The following PODXL variants were observed in gnomAD, a reference collection of about 807,000 sequenced individuals.
PODXL encodes the protein podocalyxin like.
Under a neutral mutation model 48.9 loss-of-function variants are expected in PODXL, and 20 were observed. That is an observed-to-expected ratio of 0.41 (90% CI 0.29 to 0.59). The LOEUF is 0.59. PODXL is among the 20% of genes least tolerant of loss of function. The pLI, the probability that PODXL is intolerant of heterozygous loss-of-function variation, is 0.31. For synonymous variants in PODXL, 295 were observed against 287.4 expected (o/e 1.03, Z -0.27); for missense variants, 606 against 675.1 (o/e 0.90, Z 1.13).
intron 1 of PODXL, among the ~76,000 whole-genome samples, chr7:131,542,602 A>T (rs1054652831): frequency 1.3e-5 from 2 of 152,176 alleles, no homozygotes; most frequent in African/African-American, 4.8e-5. Context: ...GGCTGCAGTA[A>T]GCCATGTTTG....
At chr7:131,544,659 GCACGCACGCCC>G (rs1176537713) in intron 1 of PODXL, among the ~76,000 whole-genome samples, 4 of 136,256 alleles carry the variant, frequency 2.9e-5, no homozygotes, top group Admixed American at 6.9e-5. Context: ...CCTGTACTAC[GCACGCACGCCC>G]TGTACTACGC....
chr7:131,529,495 G>A (rs1206629576), intron 1 of PODXL, among the ~76,000 whole-genome samples: 2 of 152,064 alleles, frequency 1.3e-5, no homozygotes, highest in East Asian at 1.9e-4. Flanking sequence ...TCCAGGAAGA[G>A]GGGTGTGGAA....
intron 1 of PODXL, among the ~76,000 whole-genome samples, chr7:131,522,174 G>A (rs1798102732): frequency 6.6e-6 from 1 of 152,182 alleles, no homozygotes; most frequent in Non-Finnish European, 1.5e-5. Flanking sequence ...GGAGCAGCAG[G>A]GCGCAGTGGC....
chr7:131,527,687 A>T (rs1423013048), intron 1 of PODXL, among the ~76,000 whole-genome samples: 1 of 152,192 alleles, frequency 6.6e-6, no homozygotes, highest in Non-Finnish European at 1.5e-5. Context: ...ATGCTAGGGG[A>T]CCAGAGACAT....
At chr7:131,551,584 G>A (rs1229675708) in intron 1 of PODXL, among the ~76,000 whole-genome samples, 5 of 152,158 alleles carry the variant, frequency 3.3e-5, no homozygotes, top group Middle Eastern at 3.2e-3. Flanking sequence ...GGTCATCTAC[G>A]TCCCCTCCTG....
chr7:131,515,693 G>A (rs759972299), intron 1 of PODXL, among the ~76,000 whole-genome samples: 10 of 152,248 alleles, frequency 6.6e-5, no homozygotes, highest in African/African-American at 1.7e-4. Context: ...GTGAGCCACC[G>A]CGCCTGGCCA....
intron 1 of PODXL, among the ~76,000 whole-genome samples, chr7:131,525,793 T>C (rs1562910282): frequency 6.6e-6 from 1 of 152,124 alleles, no homozygotes; most frequent in Non-Finnish European, 1.5e-5. Flanking sequence ...ATACTAGGAT[T>C]GAACAAATAA....
intron 1 of PODXL, among the ~76,000 whole-genome samples, chr7:131,543,745 C>T (rs992955900): frequency 3.3e-5 from 5 of 152,064 alleles, no homozygotes; most frequent in Non-Finnish European, 5.9e-5. Context: ...AAGAAAGGGC[C>T]GAGGCCAGCA....
intron 1 of PODXL, among the ~76,000 whole-genome samples, chr7:131,528,853 A>G (rs933422338): frequency 6.6e-6 from 1 of 152,192 alleles, no homozygotes; most frequent in Non-Finnish European, 1.5e-5. Context: ...TAGAGGATGG[A>G]GAAAGACAGA....
intron 1 of PODXL, among the ~76,000 whole-genome samples, chr7:131,518,792 A>G (rs1022090418): frequency 2.0e-5 from 3 of 152,200 alleles, no homozygotes; most frequent in Admixed American, 6.5e-5. Context: ...GGGCACACGC[A>G]GGTCCAGAAC....
chr7:131,542,943 A>T (rs1394673250), intron 1 of PODXL, among the ~76,000 whole-genome samples: 2 of 152,082 alleles, frequency 1.3e-5, no homozygotes, highest in African/African-American at 2.4e-5. Context: ...AGGTCTAGAG[A>T]TGCAGAGCAC....
At chr7:131,533,557 C>G (rs1003470996) in intron 1 of PODXL, among the ~76,000 whole-genome samples, 3 of 152,190 alleles carry the variant, frequency 2.0e-5, no homozygotes, top group African/African-American at 7.2e-5. Flanking sequence ...GGAAGGGCAG[C>G]CTTCGCTTGG....
At chr7:131,509,855 G>C (rs1797879150) in intron 3 of PODXL, among the ~76,000 whole-genome samples, 1 of 152,304 alleles carries the variant, frequency 6.6e-6, no homozygotes, top group East Asian at 1.9e-4. Flanking sequence ...TCTGGGGAAG[G>C]AATCGGCATC....
chr7:131,506,338 C>T lies in PODXL; in HGVS notation c.1250-17G>A, dbSNP rs766662815. The T allele has an allele frequency of 8.1e-5, 130 of 1,613,852 alleles. No homozygotes were observed. The highest frequency in any genetic ancestry group is 1.0e-4 in the Non-Finnish European group (120 of 1,179,862). ...GGAGCTTAGCTGTGGGAGAGGGAGA[C>T]GATGCCCAATGGCCCAGCCCAGAGC... On this transcript the variant is annotated splice_polypyrimidine_tract_variant and intron_variant, in intron 6 of 8. Transcript: ENST00000378555.
At chr7:131,539,779 G>A (rs1798444883) in intron 1 of PODXL, among the ~76,000 whole-genome samples, 1 of 152,214 alleles carries the variant, frequency 6.6e-6, no homozygotes, top group Non-Finnish European at 1.5e-5. Flanking sequence ...TCTGGGTGCT[G>A]CATGTGTCCT....
At chr7:131,554,783 T>C (rs373869999) in intron 1 of PODXL, among the ~76,000 whole-genome samples, 1 of 152,166 alleles carries the variant, frequency 6.6e-6, no homozygotes, top group East Asian at 1.9e-4. Flanking sequence ...TGGGTGGTTC[T>C]AAGAGGCTTC....
chr7:131,547,664 G>A (rs953944133), intron 1 of PODXL, among the ~76,000 whole-genome samples: 2 of 152,130 alleles, frequency 1.3e-5, no homozygotes, highest in African/African-American at 2.4e-5. Flanking sequence ...GAATTCTTAC[G>A]TAGAGACCTA....
In PODXL at chr7:131,500,491, G is replaced by GT. The variant is rs1471313166; in HGVS notation, c.*3819dup. On this transcript the variant is annotated 3_prime_UTR_variant, in exon 9 of 9. Transcript: ENST00000378555. The stretch of plus-strand genomic sequence containing the variant: ...AAAGACCAACACCAAAGAGTCATCT[G>GT]TGTCCTCCATGCTGTGTTTGCAGCA... 1 of 152,602 alleles carries GT rather than the reference G, an allele frequency of 6.6e-6. No individual in the cohort carries two copies. The highest frequency in any genetic ancestry group is 2.1e-4 in the South Asian group (1 of 4,822). The allele number at this position is 152,602 out of a possible 1,614,324, so 9.5% of individuals were successfully genotyped here.
intron 1 of PODXL, among the ~76,000 whole-genome samples, chr7:131,534,561 G>A (rs576291422): frequency 4.2e-4 from 64 of 152,290 alleles, no homozygotes; most frequent in African/African-American, 1.5e-3. Context: ...GGGGTCAGGA[G>A]GGGGCTGGAG....
Sources: allele counts gnomAD v4.1 joint callset (sites outside exome capture counted in the v4.1 genomes callset), GRCh38; gene constraint gnomAD v4.1.1; transcripts MANE v1.5; gene names NCBI Gene and HGNC (gene_info 2026-07-23, HGNC 2026-07-21).